The following RIGI variants were observed in gnomAD, a reference collection of about 807,000 sequenced individuals.
The protein encoded by RIGI is RNA sensor RIG-I.
the RIGI span, among the ~76,000 whole-genome samples, chr9:32,459,196 T>G: frequency 6.6e-6 from 1 of 152,164 alleles, no homozygotes; most frequent in Non-Finnish European, 1.5e-5. Flanking sequence ...AAAAACTATT[T>G]CTTTATTATT....
the RIGI span, chr9:32,467,837 T>TTGCACA: frequency 6.2e-7 from 1 of 1,613,856 alleles, no homozygotes; most frequent in East Asian, 2.2e-5. Context: ...GCAATGTCAA[T>TTGCACA]GCCTTCATCA....
chr9:32,477,718 G>A, the RIGI span, among the ~76,000 whole-genome samples: 3,710 of 151,976 alleles, frequency 0.024, 163 homozygotes, highest in African/African-American at 0.086. Context: ...TGAGGTCAGG[G>A]GTTCAAGACC....
At chr9:32,491,202 A>T in the RIGI span, 2 of 1,394,742 alleles carry the variant, frequency 1.4e-6, no homozygotes, top group Non-Finnish European at 1.9e-6. Context: ...TCCTTACAAA[A>T]CTTTTCACAA....
the RIGI span, among the ~76,000 whole-genome samples, chr9:32,461,009 A>G: frequency 6.6e-6 from 1 of 150,466 alleles, no homozygotes; most frequent in East Asian, 2.0e-4. Context: ...AATTAAATTT[A>G]TGAAAACTGA....
chr9:32,504,492 A>G, the RIGI span, among the ~76,000 whole-genome samples: 2 of 151,928 alleles, frequency 1.3e-5, no homozygotes, highest in Non-Finnish European at 2.9e-5. Context: ...AGCCTGGCCA[A>G]CATGGTGAAA....
At chr9:32,477,236 C>G in the RIGI span, 4 of 1,374,272 alleles carry the variant, frequency 2.9e-6, no homozygotes, top group Non-Finnish European at 2.0e-6. Flanking sequence ...AATCTTTGAC[C>G]AGAATTTTAT....
At chr9:32,498,334 T>C in the RIGI span, 1 of 456,744 alleles carries the variant, frequency 2.2e-6, no homozygotes, top group East Asian at 6.9e-5. Context: ...ATGCTTCTAC[T>C]TTCATGACTC....
chr9:32,468,310 C>T, the RIGI span, among the ~76,000 whole-genome samples: 2 of 152,218 alleles, frequency 1.3e-5, no homozygotes, highest in African/African-American at 4.8e-5. Flanking sequence ...CACATCTTCT[C>T]ACTCACCAGA....
chr9:32,469,268 G>A, the RIGI span, among the ~76,000 whole-genome samples: 389 of 152,264 alleles, frequency 2.6e-3, 11 homozygotes, highest in East Asian at 0.064. Context: ...CCCTGAGATC[G>A]TGAGGGTTGT....
the RIGI span, among the ~76,000 whole-genome samples, chr9:32,492,022 G>C: frequency 6.6e-6 from 1 of 152,188 alleles, no homozygotes; most frequent in Non-Finnish European, 1.5e-5. Flanking sequence ...TGTCTGTCAA[G>C]AAATCAACTC....
chr9:32,520,717 G>T, the RIGI span, among the ~76,000 whole-genome samples: 8 of 152,138 alleles, frequency 5.3e-5, no homozygotes, highest in Non-Finnish European at 1.5e-5. Context: ...CTGATGCAAG[G>T]CCAATGTCTG....
the RIGI span, among the ~76,000 whole-genome samples, chr9:32,520,920 C>T: frequency 1.1e-3 from 173 of 151,916 alleles, 1 homozygote; most frequent in African/African-American, 4.0e-3. Flanking sequence ...CCGAGGCAGG[C>T]GGATCAGCTG....
At chr9:32,490,979 A>G in the RIGI span, among the ~76,000 whole-genome samples, 1 of 152,190 alleles carries the variant, frequency 6.6e-6, no homozygotes, top group Non-Finnish European at 1.5e-5. Flanking sequence ...TTTAGAAAGC[A>G]AGGTTGATTT....
chr9:32,457,501 A>T, the RIGI span: 1 of 1,158,346 alleles, frequency 8.6e-7, no homozygotes, highest in Non-Finnish European at 1.2e-6. Flanking sequence ...AAAAAAAGAA[A>T]ACCCCACAAT....
the RIGI span, among the ~76,000 whole-genome samples, chr9:32,483,297 A>T: frequency 2.0e-5 from 3 of 152,182 alleles, no homozygotes; most frequent in African/African-American, 7.2e-5. Context: ...TAGTATTGAC[A>T]TGCTTCTTTC....
chr9:32,487,855 A>C, the RIGI span: 5 of 1,462,704 alleles, frequency 3.4e-6, no homozygotes, highest in Non-Finnish European at 3.7e-6. Context: ...GGACCTGAGA[A>C]GGACATCTTC....
chr9:32,474,037 TAAATAA>T, the RIGI span, among the ~76,000 whole-genome samples: 4 of 151,580 alleles, frequency 2.6e-5, no homozygotes, highest in Admixed American at 6.6e-5. Context: ...CAAAATTAAA[TAAATAA>T]AAATAAAAAT....
At chr9:32,471,629 G>C in the RIGI span, among the ~76,000 whole-genome samples, 14 of 152,196 alleles carry the variant, frequency 9.2e-5, no homozygotes, top group African/African-American at 3.4e-4. Flanking sequence ...GGTTGGGGAA[G>C]GCTACATGGC....
the RIGI span, among the ~76,000 whole-genome samples, chr9:32,504,038 A>ACACACACACACACACAC: frequency 7.4e-6 from 1 of 135,666 alleles, no homozygotes; most frequent in Admixed American, 7.4e-5. Context: ...CAAGACTCCA[A>ACACACACACACACACAC]ACACACACAC....
Sources: gnomAD v4.1 joint callset for allele counts (sites outside exome capture counted in the v4.1 genomes callset) on GRCh38, gnomAD v4.1.1 for gene constraint, MANE v1.5 for transcripts, NCBI Gene and HGNC (gene_info 2026-07-23, HGNC 2026-07-21) for gene names.